The following ADARB2 variants were observed in gnomAD, a reference collection of about 807,000 sequenced individuals.
ADARB2 encodes adenosine deaminase RNA specific B2 (inactive).
In ADARB2, 25 loss-of-function variants were observed where a neutral mutation model predicts 62.2. The observed-to-expected ratio is 0.40, with a 90% confidence interval of 0.29 to 0.56. The LOEUF (loss-of-function observed/expected upper bound fraction) is 0.56. ADARB2 is among the 20% of genes least tolerant of loss of function. The probability of loss-of-function intolerance (pLI) is 0.43; values close to 1 mark genes in which losing one functional copy is unlikely to be tolerated. For missense variants in ADARB2, 1,071 were observed against 1,077.4 expected (o/e 0.99, Z 0.08); for synonymous variants, 572 against 500.8 (o/e 1.14, Z -1.90).
intron 1 of ADARB2, among the ~76,000 whole-genome samples, chr10:1,736,514 G>A (rs998453849): frequency 6.6e-6 from 1 of 152,232 alleles, no homozygotes; most frequent in African/African-American, 2.4e-5. Context: ...GACGAGCCCT[G>A]TGTTCTCTTT....
At chr10:1,349,664 C>T (rs1832115494) in intron 3 of ADARB2, among the ~76,000 whole-genome samples, 2 of 151,806 alleles carry the variant, frequency 1.3e-5, no homozygotes, top group African/African-American at 4.8e-5. Context: ...CAATCTCTCC[C>T]TTCTCTTAAT....
At chr10:1,591,934 C>T (rs1166226334) in intron 1 of ADARB2, among the ~76,000 whole-genome samples, 1 of 152,226 alleles carries the variant, frequency 6.6e-6, no homozygotes, top group Admixed American at 6.5e-5. Context: ...CGACCTCCGG[C>T]CGGCATCCTT....
intron 1 of ADARB2, among the ~76,000 whole-genome samples, chr10:1,508,962 C>G (rs1018390700): frequency 6.6e-6 from 1 of 152,158 alleles, no homozygotes; most frequent in African/African-American, 2.4e-5. Flanking sequence ...GCCCAGCGGT[C>G]CCTGGGCCTC....
chr10:1,618,658 T>G (rs1875002), intron 1 of ADARB2, among the ~76,000 whole-genome samples: 4 of 151,952 alleles, frequency 2.6e-5, no homozygotes, highest in Admixed American at 6.5e-5. Flanking sequence ...GATGCTCCCC[T>G]CTCAGGCTCC....
chr10:1,695,513 T>C (rs562271044), intron 1 of ADARB2, among the ~76,000 whole-genome samples: 6 of 152,278 alleles, frequency 3.9e-5, no homozygotes, highest in African/African-American at 1.4e-4. Flanking sequence ...ATCTCATATA[T>C]AGACGGTGAG....
At position 1,654,752 on chromosome 10, in the gene ADARB2, G is replaced by A. The variant is rs1468569500; in HGVS notation, c.100+82299C>T. Among the ~76,000 whole-genome samples the A allele has an allele frequency of 5.3e-5, 8 of 152,344 alleles. 1 individual carries two copies. The South Asian group carries it at 1.5e-3, about 28-fold the overall frequency. On this transcript the variant is annotated intron_variant, in intron 1 of 9. Coordinates refer to ENST00000381312, the MANE Select transcript of ADARB2 (RefSeq NM_018702.4). ...GCTATTTGGTAATGGCAGCAATGTCGCCTCTCCCTGACGACTCTACCAGGT... is the reference window on the plus strand; with the variant it reads ...GCTATTTGGTAATGGCAGCAATGTCACCTCTCCCTGACGACTCTACCAGGT...
chr10:1,529,983 C>T (rs1345472041), intron 1 of ADARB2, among the ~76,000 whole-genome samples: 1 of 152,196 alleles, frequency 6.6e-6, no homozygotes, highest in Non-Finnish European at 1.5e-5. Context: ...ACTGCTCCTG[C>T]CACTGTGGGC....
At chr10:1,629,724 T>C (rs1461432380) in intron 1 of ADARB2, among the ~76,000 whole-genome samples, 2 of 151,932 alleles carry the variant, frequency 1.3e-5, no homozygotes, top group East Asian at 1.9e-4. Flanking sequence ...ACGTTGTCTC[T>C]CTTCACTAAA....
In ADARB2 at chr10:1,646,603, A is replaced by C. The variant is rs148396920; in HGVS notation, c.100+90448T>G. On this transcript the variant is annotated intron_variant, in intron 1 of 9. Transcript: ENST00000381312. ...GTCAGGTTGACCCCACTGGCAGCAA[A>C]ATGCCAGTCTTTCCATCAAGATGAG... Among the ~76,000 whole-genome samples, 573 of 152,344 alleles carry C rather than the reference A, an allele frequency of 3.8e-3. 2 individuals are homozygous for C. Among genetic ancestry groups the C allele is most frequent in the Middle Eastern group, 0.014 (4 of 294 alleles).
chr10:1,696,270 G>A (rs559012438), intron 1 of ADARB2, among the ~76,000 whole-genome samples: 1 of 152,244 alleles, frequency 6.6e-6, no homozygotes, highest in East Asian at 1.9e-4. Flanking sequence ...GTATGTGCCT[G>A]TTTGTGTGTA....
chr10:1,504,192 C>A (rs1487905865), intron 1 of ADARB2, among the ~76,000 whole-genome samples: 1 of 152,176 alleles, frequency 6.6e-6, no homozygotes, highest in Non-Finnish European at 1.5e-5. Flanking sequence ...GCAGCTCCAA[C>A]CCCCTTTAAA....
intron 1 of ADARB2, among the ~76,000 whole-genome samples, chr10:1,558,568 C>A (rs1386561172): frequency 2.5e-5 from 3 of 119,814 alleles, no homozygotes; most frequent in African/African-American, 6.5e-5. Flanking sequence ...TCTAAATCTG[C>A]ATCCCACCTC....
chr10:1,311,443 T>TA (rs1029062866), intron 3 of ADARB2, among the ~76,000 whole-genome samples: 12 of 152,130 alleles, frequency 7.9e-5, no homozygotes, highest in African/African-American at 2.7e-4. Flanking sequence ...CAAACATCTC[T>TA]AATAAATGCT....
chr10:1,221,982 G>A (rs1267349802), intron 6 of ADARB2, among the ~76,000 whole-genome samples: 1 of 152,180 alleles, frequency 6.6e-6, no homozygotes, highest in Non-Finnish European at 1.5e-5. Context: ...GATCCCTGAG[G>A]AATGACCACA....
intron 1 of ADARB2, among the ~76,000 whole-genome samples, chr10:1,493,091 A>C (rs1831642764): frequency 6.6e-6 from 1 of 152,232 alleles, no homozygotes; most frequent in Non-Finnish European, 1.5e-5. Flanking sequence ...AAAATGCTTC[A>C]TCAGAACTTT....
intron 8 of ADARB2, among the ~76,000 whole-genome samples, chr10:1,185,561 T>C (rs1836741507): frequency 6.6e-6 from 1 of 152,184 alleles, no homozygotes; most frequent in African/African-American, 2.4e-5. Context: ...TGATCCGCAA[T>C]GTGATCCTGA....
chr10:1,623,670 G>C (rs150686615), intron 1 of ADARB2, among the ~76,000 whole-genome samples: 1 of 152,184 alleles, frequency 6.6e-6, no homozygotes, highest in African/African-American at 2.4e-5. Flanking sequence ...GATTGCACAC[G>C]CATGGATTCC....
intron 1 of ADARB2, among the ~76,000 whole-genome samples, chr10:1,523,756 C>T (rs1014549717): frequency 2.0e-5 from 3 of 152,142 alleles, no homozygotes; most frequent in Non-Finnish European, 4.4e-5. Flanking sequence ...GTCAGATGCT[C>T]CCCATCCCAG....
At chr10:1,367,159 G>C (rs1009699683) in intron 2 of ADARB2, among the ~76,000 whole-genome samples, 1 of 152,130 alleles carries the variant, frequency 6.6e-6, no homozygotes, top group African/African-American at 2.4e-5. Flanking sequence ...TCCTGACATT[G>C]GAGAATGTTC....
Sources: gnomAD v4.1 joint callset for allele counts (sites outside exome capture counted in the v4.1 genomes callset) on GRCh38, gnomAD v4.1.1 for gene constraint, MANE v1.5 for transcripts, NCBI Gene and HGNC (gene_info 2026-07-23, HGNC 2026-07-21) for gene names.